Variants in MALRD1 observed in about 807,000 individuals in gnomAD.
MALRD1 encodes MAM and LDL receptor class A domain containing 1.
MALRD1 carries 247 observed loss-of-function variants against 242.1 expected under a neutral mutation model. The ratio of observed to expected loss-of-function variants is 1.02; its 90% confidence interval spans 0.92 to 1.13. The LOEUF is 1.13. Ranked by LOEUF, MALRD1 falls within the 50% of genes most tolerant of loss-of-function variation. MALRD1 has a pLI of 0.00. For synonymous variants in MALRD1, 995 were observed against 866.6 expected, an observed-to-expected ratio of 1.15 and a Z score of -2.60; for missense variants, 2,989 against 2,533.1, an observed-to-expected ratio of 1.18 and a Z score of -3.86.
intron 33 of MALRD1, among the ~76,000 whole-genome samples, chr10:19,589,924 C>A: frequency 6.6e-6 from 1 of 152,122 alleles, no homozygotes. Context: ...AATTGTCTCG[C>A]ATAATGAACA....
chr10:19,705,538 G>A (rs187630654), intron 38 of MALRD1, among the ~76,000 whole-genome samples: 63 of 152,164 alleles, frequency 4.1e-4, no homozygotes, highest in African/African-American at 1.4e-3. Context: ...TATTGGCCAC[G>A]CTCTGACAAT....
At chr10:19,339,174 G>A (rs1366325602) in intron 24 of MALRD1, among the ~76,000 whole-genome samples, 1 of 151,954 alleles carries the variant, frequency 6.6e-6, no homozygotes, top group East Asian at 1.9e-4. Flanking sequence ...TGCCTTCATG[G>A]TGGAGCCCTG....
intron 32 of MALRD1, among the ~76,000 whole-genome samples, chr10:19,539,910 GC>G (rs1834884169): frequency 4.2e-5 from 1 of 23,598 alleles, no homozygotes; most frequent in African/African-American, 1.8e-4. Context: ...GCGCGCGCGT[GC>G]GCGCACACAC....
At chr10:19,113,816 C>CACACACACACACACACACACAG (rs1836771440) in intron 5 of MALRD1, among the ~76,000 whole-genome samples, 11 of 147,512 alleles carry the variant, frequency 7.5e-5, no homozygotes, top group African/African-American at 2.8e-4. Context: ...CACACACACA[C>CACACACACACACACACACACAG]ACACACACAC....
chr10:19,300,570 C>T (rs1841905031), intron 21 of MALRD1, among the ~76,000 whole-genome samples: 2 of 151,890 alleles, frequency 1.3e-5, no homozygotes, highest in African/African-American at 4.8e-5. Context: ...CTCCAACCAC[C>T]TGATCTTTGA....
At chr10:19,416,667 A>G (rs774124899) in intron 28 of MALRD1, among the ~76,000 whole-genome samples, 21 of 152,116 alleles carry the variant, frequency 1.4e-4, no homozygotes, top group Non-Finnish European at 3.1e-4. Flanking sequence ...TCTGGATTTT[A>G]TTCCTGCTCT....
intron 38 of MALRD1, among the ~76,000 whole-genome samples, chr10:19,697,357 C>T (rs1833426202): frequency 6.6e-6 from 1 of 152,042 alleles, no homozygotes; most frequent in Admixed American, 6.6e-5. Flanking sequence ...ACCCTTTCTT[C>T]ATAAGGAAAT....
chr10:19,273,013 G>A (rs1158827671), intron 19 of MALRD1, among the ~76,000 whole-genome samples: 3 of 152,094 alleles, frequency 2.0e-5, no homozygotes, highest in African/African-American at 7.2e-5. Context: ...TATCTTTATA[G>A]TAGAATAATT....
chr10:19,332,578 C>G (rs2130925822), intron 24 of MALRD1, among the ~76,000 whole-genome samples: 1 of 152,248 alleles, frequency 6.6e-6, no homozygotes, highest in East Asian at 1.9e-4. Context: ...AATTATGTCA[C>G]CATTACCTTT....
chr10:19,725,967 A>T lies in MALRD1; in HGVS notation c.6315-4739A>T, dbSNP rs117773367. Reference sequence around the variant, plus strand: ...AGCTCAAAATGGATCAAGGAGCTACATGTAAGAGCAAAAGCCATAATGCAT... The same window carrying T: ...AGCTCAAAATGGATCAAGGAGCTACTTGTAAGAGCAAAAGCCATAATGCAT... On this transcript the variant is annotated intron_variant, in intron 38 of 39. Transcript: ENST00000454679. Among the ~76,000 whole-genome samples, 416 of 152,332 alleles carry T rather than the reference A, an allele frequency of 2.7e-3. 16 individuals are homozygous for T. In the East Asian group the frequency reaches 0.069, roughly 25 times the overall value.
chr10:19,131,080 C>T (rs971977629), intron 8 of MALRD1, among the ~76,000 whole-genome samples: 5 of 152,020 alleles, frequency 3.3e-5, no homozygotes, highest in Non-Finnish European at 7.4e-5. Context: ...ATTTGCTATC[C>T]TCTATACATA....
At chr10:19,344,770 A>G (rs1844036420) in intron 24 of MALRD1, among the ~76,000 whole-genome samples, 1 of 151,750 alleles carries the variant, frequency 6.6e-6, no homozygotes, top group African/African-American at 2.4e-5. Flanking sequence ...AATCATGAGC[A>G]TAGTAGGTTT....
At chr10:19,581,825 C>T (rs1837141450) in intron 33 of MALRD1, among the ~76,000 whole-genome samples, 1 of 151,508 alleles carries the variant, frequency 6.6e-6, no homozygotes, top group South Asian at 2.1e-4. Context: ...AACTAGTTGA[C>T]AGTCCCACCA....
chr10:19,601,615 A>G (rs951355978), intron 34 of MALRD1, among the ~76,000 whole-genome samples: 2 of 152,068 alleles, frequency 1.3e-5, no homozygotes, highest in Non-Finnish European at 2.9e-5. Context: ...AAAGCTTTTT[A>G]TATTGAAACC....
chr10:19,176,829 T>C, intron 14 of MALRD1, among the ~76,000 whole-genome samples: 1 of 150,676 alleles, frequency 6.6e-6, no homozygotes, highest in Non-Finnish European at 1.5e-5. Flanking sequence ...TCTGTGTGTG[T>C]GTGCATGCCT....
chr10:19,361,244 A>G (rs901885172), intron 26 of MALRD1, among the ~76,000 whole-genome samples: 1 of 152,138 alleles, frequency 6.6e-6, no homozygotes, highest in Non-Finnish European at 1.5e-5. Context: ...TAGTTTGTGC[A>G]ATTAAACAGA....
chr10:19,194,758 A>C (rs1379796274), intron 14 of MALRD1, among the ~76,000 whole-genome samples: 1 of 152,138 alleles, frequency 6.6e-6, no homozygotes, highest in Non-Finnish European at 1.5e-5. Context: ...AGATGTTGTC[A>C]AAAGTTATTC....
rs370555796 is a variant in MALRD1 at position 19,341,998 on chromosome 10, A to G, written c.3902-5773A>G. 1.2e-3 allele frequency among the ~76,000 whole-genome samples: 185 copies of G among 152,226 alleles called. 2 individuals carry two copies. The South Asian group carries it at 0.013, about 11-fold the overall frequency. ...CTTTTAATTGTTATGGCATATAACT[A>G]TATAGCGTTCTCTAATTTCCAAGTA... On this transcript the variant is annotated intron_variant, in intron 24 of 39. Transcript: ENST00000454679.
At chr10:19,065,177 C>T (rs1340368097) in intron 1 of MALRD1, among the ~76,000 whole-genome samples, 16 of 147,948 alleles carry the variant, frequency 1.1e-4, no homozygotes, top group African/African-American at 3.5e-4. Context: ...ATCCCAGCTA[C>T]TTGGGAGGCT....
Sources: gnomAD v4.1 joint callset for allele counts (sites outside exome capture counted in the v4.1 genomes callset) on GRCh38, gnomAD v4.1.1 for gene constraint, MANE v1.5 for transcripts, NCBI Gene and HGNC (gene_info 2026-07-23, HGNC 2026-07-21) for gene names.